Variants in TMCC2 observed in about 807,000 individuals in gnomAD.
TMCC2 encodes the protein transmembrane and coiled-coil domains protein 2.
A neutral mutation model predicts 49.4 loss-of-function variants in TMCC2; 16 were observed. The ratio of observed to expected loss-of-function variants is 0.32; its 90% CI spans 0.22 to 0.49. TMCC2 has a LOEUF of 0.49. TMCC2 is among the 20% of genes least tolerant of loss of function. The probability of loss-of-function intolerance (pLI) is 0.99; values close to 1 mark genes in which losing one functional copy is unlikely to be tolerated. For missense variants in TMCC2, 762 were observed against 989.8 expected, an observed-to-expected ratio of 0.77 and a Z score of 3.09; for synonymous variants, 397 against 434.1, an observed-to-expected ratio of 0.91 and a Z score of 1.06.
chr1:205,243,634 G>A (rs1368317422), intron 2 of TMCC2, among the ~76,000 whole-genome samples: 2 of 152,174 alleles, frequency 1.3e-5, no homozygotes, highest in Non-Finnish European at 2.9e-5. Context: ...TTAAAAATGG[G>A]GGAATTCTCT....
chr1:205,266,722 AG>A, intron 2 of TMCC2, among the ~76,000 whole-genome samples: 1 of 151,952 alleles, frequency 6.6e-6, no homozygotes, highest in Non-Finnish European at 1.5e-5. Context: ...TTTTTCTCCC[AG>A]GGGAAAAAAG....
In TMCC2 at chr1:205,271,888, G is replaced by C. The variant is rs759901047; in HGVS notation, c.1894G>C (p.Glu632Gln). Residue 632 changes from glutamate to glutamine, a missense_variant, in exon 5 of 5, where the codon GAG becomes CAG. Transcript: ENST00000358024. ...QQQQQQVVQL[E>Q]GVENANARAL... ...GCAACAGCAGCAGGTGGTACAGCTG[G>C]AGGGCGTGGAGAATGCCAACGCGCG... 6.2e-7 allele frequency: 1 copy of C among 1,614,124 alleles called. No homozygotes were observed. Among genetic ancestry groups the C allele is most frequent in the Non-Finnish European group, 8.5e-7 (1 of 1,180,034 alleles).
intron 1 of TMCC2, among the ~76,000 whole-genome samples, chr1:205,232,865 G>A (rs886611682): frequency 6.8e-6 from 1 of 147,800 alleles, no homozygotes; most frequent in South Asian, 2.2e-4. Context: ...AGCCCAGGAG[G>A]TTGAAGCTGC....
chr1:205,271,680 T>C, intron 4 of TMCC2, 133 bp from the exon 5 acceptor site: 1 of 1,214,244 alleles, frequency 8.2e-7, no homozygotes, highest in Non-Finnish European at 1.1e-6. Context: ...TTGCAGCTGG[T>C]CAACCTCCAC....
intron 2 of TMCC2, among the ~76,000 whole-genome samples, chr1:205,266,552 C>T (rs913939771): frequency 6.6e-6 from 1 of 150,742 alleles, no homozygotes; most frequent in African/African-American, 2.4e-5. Flanking sequence ...GAGATGGCCC[C>T]ACTGCATTCC....
chr1:205,240,952 G>A (rs147610542), intron 1 of TMCC2, among the ~76,000 whole-genome samples: 1 of 152,338 alleles, frequency 6.6e-6, no homozygotes, highest in African/African-American at 2.4e-5. Flanking sequence ...TGGTTGGTAA[G>A]AAAGAAAAAT....
In TMCC2 at chr1:205,272,322, C is replaced by T; in HGVS notation, c.*198C>T. On this transcript the variant is annotated 3_prime_UTR_variant, in exon 5 of 5. Transcript: ENST00000358024. ...GGCCTGAAGGGAGCTTAGAATGCAG[C>T]CCTACCTGGAGATAGTGCGGGCACC... 8.8e-7 allele frequency: 1 copy of T among 1,138,654 alleles called. No homozygotes were observed. The highest frequency in any genetic ancestry group is 2.6e-5 in the East Asian group (1 of 38,390). The allele number at this position is 1,138,654 out of a possible 1,614,324, so 70.5% of individuals were successfully genotyped here.
chr1:205,233,402 C>G (rs907988342), intron 1 of TMCC2, among the ~76,000 whole-genome samples: 1 of 152,202 alleles, frequency 6.6e-6, no homozygotes, highest in Non-Finnish European at 1.5e-5. Context: ...TCACACCATA[C>G]ACTGGTCTTC....
intron 2 of TMCC2, among the ~76,000 whole-genome samples, chr1:205,256,806 G>A (rs956585245): frequency 5.3e-5 from 8 of 152,106 alleles, no homozygotes; most frequent in East Asian, 1.9e-4. Flanking sequence ...CTTCCATTCC[G>A]AATCCATGAG....
At chr1:205,231,861 A>G (rs531646047) in intron 1 of TMCC2, among the ~76,000 whole-genome samples, 8 of 152,280 alleles carry the variant, frequency 5.3e-5, no homozygotes, top group African/African-American at 1.9e-4. Flanking sequence ...TCTTAGTTCC[A>G]TTTCTGTTTT....
rs1321949784 is a variant in TMCC2 at position 205,228,589 on chromosome 1, C to T, written c.25C>T (p.Leu9=). Reference sequence around the variant, plus strand: ...CATGAAGAGGTGCAGATCGGACGAGCTGCAGCAACAACAGGGCGAGGAGGA... The same window carrying T: ...CATGAAGAGGTGCAGATCGGACGAGTTGCAGCAACAACAGGGCGAGGAGGA... MKRCRSDE[L]QQQQGEEDGA... is the part of the protein sequence containing the mutation. Residue 9 remains leucine, a synonymous_variant, in exon 1 of 5, where the codon CTG becomes TTG. Coordinates refer to ENST00000358024, the MANE Select transcript of TMCC2 (RefSeq NM_014858.4). 1.2e-6 allele frequency: 2 copies of T among 1,611,214 alleles called. No homozygotes were observed. Among genetic ancestry groups the T allele is most frequent in the Non-Finnish European group, 1.7e-6 (2 of 1,178,300 alleles).
chr1:205,268,002 G>C, intron 2 of TMCC2: 1 of 985,364 alleles, frequency 1.0e-6, no homozygotes. Context: ...AGGAAGGACT[G>C]GGGGCTTCCA....
At chr1:205,251,653 C>T (rs1660674378) in intron 2 of TMCC2, among the ~76,000 whole-genome samples, 1 of 152,204 alleles carries the variant, frequency 6.6e-6, no homozygotes, top group African/African-American at 2.4e-5. Flanking sequence ...TCTTCATTGC[C>T]TGAGAAGGTA....
In TMCC2 at chr1:205,269,894, T is replaced by C; in HGVS notation, c.1682+10T>C. Reference sequence around the variant, plus strand: ...AGGAGGAGCGCTACAGGTAGGTGCCTGCCCACCCCCTCCTGCAGCCCAGCC... The same window carrying C: ...AGGAGGAGCGCTACAGGTAGGTGCCCGCCCACCCCCTCCTGCAGCCCAGCC... On this transcript the variant is annotated intron_variant, in intron 3 of 4. Coordinates refer to ENST00000358024, the MANE Select transcript of TMCC2 (RefSeq NM_014858.4). The C allele has an allele frequency of 6.2e-7, 1 of 1,605,494 alleles. No individual in the cohort carries two copies. Among genetic ancestry groups the C allele is most frequent in the Non-Finnish European group, 8.5e-7 (1 of 1,174,876 alleles).
rs1661470463 is a variant in TMCC2, at chr1:205,269,140, A to G, written c.938A>G (p.Asn313Ser). The change falls in exon 3 of 5, where the codon AAT becomes AGT. Residue 313 changes from asparagine (N) to serine (S), a missense_variant. Around this residue, in one of 2 missense-constraint regions of TMCC2, gnomAD observed 440 missense variants for 636.7 expected, o/e 0.69. Transcript: ENST00000358024. ...IKIEQEARDD[N>S]VAEYLKLANN... is the part of the protein sequence containing the mutation. ...ATTGAGCAGGAGGCTCGCGACGACA[A>G]TGTGGCAGAGTATCTGAAACTGGCC... is the stretch of plus-strand genomic sequence containing the variant. The G allele has an allele frequency of 6.2e-7, 1 of 1,614,166 alleles. No homozygotes were observed. The highest frequency in any genetic ancestry group is 1.1e-5 in the South Asian group (1 of 91,088).
chr1:205,246,065 G>T (rs1440228300), intron 2 of TMCC2, among the ~76,000 whole-genome samples: 2 of 152,050 alleles, frequency 1.3e-5, no homozygotes, highest in Non-Finnish European at 1.5e-5. Flanking sequence ...CGTGAGCAGG[G>T]CATCTGGTTC....
chr1:205,250,397 C>T (rs1284564096), intron 2 of TMCC2, among the ~76,000 whole-genome samples: 10 of 151,872 alleles, frequency 6.6e-5, no homozygotes, highest in South Asian at 2.1e-4. Flanking sequence ...AAAAACTAGC[C>T]GGGCGTGGTG....
At chr1:205,235,002 CAA>C (rs1209579619) in intron 1 of TMCC2, among the ~76,000 whole-genome samples, 4 of 152,162 alleles carry the variant, frequency 2.6e-5, no homozygotes, top group Non-Finnish European at 4.4e-5. Context: ...TATTACCAAA[CAA>C]GAGAAGAGGG....
At chr1:205,228,916 G>T (rs187671423) in intron 1 of TMCC2, 145 bp downstream of exon 1, 2 of 1,431,474 alleles carry the variant, frequency 1.4e-6, no homozygotes, top group South Asian at 1.5e-5. Context: ...TGGCACCCCA[G>T]GGGGGACGTC....
Sources: allele counts gnomAD v4.1 joint callset (sites outside exome capture counted in the v4.1 genomes callset), GRCh38; gene constraint gnomAD v4.1.1; regional missense constraint gnomAD v4.1.1; transcripts MANE v1.5; gene names NCBI Gene and HGNC (gene_info 2026-07-23, HGNC 2026-07-21).